Variants in TAFA4 observed in about 807,000 individuals in gnomAD.
The protein encoded by TAFA4 is TAFA chemokine like family member 4.
A neutral mutation model predicts 21.1 loss-of-function variants in TAFA4; 20 were observed. The observed-to-expected ratio is 0.95, with a 90% CI of 0.67 to 1.38. TAFA4 has a LOEUF of 1.38. TAFA4 is among the 40% of genes most tolerant of loss of function. The pLI, the probability that TAFA4 is intolerant of heterozygous loss-of-function variation, is 0.00. For synonymous variants in TAFA4, 71 were observed against 67.4 expected, an observed-to-expected ratio of 1.05 and a Z score of -0.26; for missense variants, 211 against 180.9, an observed-to-expected ratio of 1.17 and a Z score of -0.95.
At chr3:68,893,840 G>C (rs184205607) in intron 1 of TAFA4, among the ~76,000 whole-genome samples, 1 of 152,126 alleles carries the variant, frequency 6.6e-6, no homozygotes, top group Admixed American at 6.5e-5. Flanking sequence ...GCCCTCCTGT[G>C]GACAAAACAA....
chr3:68,748,706 T>C (rs1438148485), intron 4 of TAFA4, among the ~76,000 whole-genome samples: 1 of 146,758 alleles, frequency 6.8e-6, no homozygotes, highest in Non-Finnish European at 1.5e-5. Flanking sequence ...AGCACGCCAC[T>C]GCACTCCAGC....
chr3:68,852,709 T>C (rs1324689984), intron 3 of TAFA4, among the ~76,000 whole-genome samples: 2 of 152,202 alleles, frequency 1.3e-5, no homozygotes, highest in Non-Finnish European at 2.9e-5. Flanking sequence ...TTTTCCAATT[T>C]ACTAGCCTTA....
intron 3 of TAFA4, among the ~76,000 whole-genome samples, chr3:68,869,291 C>T (rs1415441717): frequency 1.3e-5 from 2 of 151,954 alleles, no homozygotes; most frequent in African/African-American, 2.4e-5. Context: ...TAAAGAACTA[C>T]TTATAACACC....
At chr3:68,829,224 G>A (rs191553252) in intron 3 of TAFA4, among the ~76,000 whole-genome samples, 593 of 152,252 alleles carry the variant, frequency 3.9e-3, no homozygotes, top group Non-Finnish European at 7.0e-3. Flanking sequence ...GAACAGGACA[G>A]AGGCCTCAGA....
chr3:68,874,635 G>A (rs560858922), intron 3 of TAFA4, among the ~76,000 whole-genome samples: 4 of 152,206 alleles, frequency 2.6e-5, no homozygotes, highest in Non-Finnish European at 5.9e-5. Context: ...CAAACTACCC[G>A]AGGAACTCTT....
chr3:68,894,237 C>T (rs538532093), intron 1 of TAFA4, among the ~76,000 whole-genome samples: 3 of 151,312 alleles, frequency 2.0e-5, no homozygotes, highest in South Asian at 2.1e-4. Context: ...GGGGTCACTG[C>T]GTCCTTCATC....
chr3:68,851,194 G>T (rs1374258943), intron 3 of TAFA4, among the ~76,000 whole-genome samples: 1 of 152,128 alleles, frequency 6.6e-6, no homozygotes, highest in Non-Finnish European at 1.5e-5. Flanking sequence ...CCTTTACAGG[G>T]ACATGGATGG....
intron 1 of TAFA4, among the ~76,000 whole-genome samples, chr3:68,892,043 A>T: frequency 6.6e-6 from 1 of 152,174 alleles, no homozygotes; most frequent in East Asian, 1.9e-4. Flanking sequence ...AATGTGCTTA[A>T]CAGGTTACCA....
intron 5 of TAFA4, 125 bp downstream of exon 5, chr3:68,738,950 G>T: frequency 1.5e-6 from 2 of 1,370,394 alleles, no homozygotes; most frequent in Non-Finnish European, 2.0e-6. Flanking sequence ...AATCCGTAAG[G>T]TAGCACTGCC....
intron 3 of TAFA4, among the ~76,000 whole-genome samples, chr3:68,753,330 T>C (rs938498351): frequency 3.9e-5 from 5 of 128,958 alleles, no homozygotes; most frequent in African/African-American, 1.2e-4. Flanking sequence ...CTGAGATTGA[T>C]AGAGTTTTTT....
In TAFA4 at chr3:68,887,955, T is replaced by C. The variant is rs560880473; in HGVS notation, c.-122-2645A>G. 2.6e-5 allele frequency among the ~76,000 whole-genome samples: 4 copies of C among 152,262 alleles called. No individual in the cohort carries two copies. In the South Asian group the frequency reaches 8.3e-4, roughly 32 times the overall value. On this transcript the variant is annotated intron_variant, in intron 1 of 5. Coordinates refer to ENST00000295569, the MANE Select transcript of TAFA4 (RefSeq NM_182522.5). ...CCTTAGTATTCTCTCCCAAATATGC[T>C]GTTTTATTCTTCACATGGCCAGGCA...
chr3:68,746,397 G>A (rs1702458735), intron 4 of TAFA4, among the ~76,000 whole-genome samples: 1 of 152,030 alleles, frequency 6.6e-6, no homozygotes, highest in Admixed American at 6.5e-5. Context: ...CATGGTGAAA[G>A]ATATTCTAAA....
At chr3:68,866,651 TAAAAAAAAAAAAAA>T (rs59878536) in intron 3 of TAFA4, among the ~76,000 whole-genome samples, 1 of 12,396 alleles carries the variant, frequency 8.1e-5, no homozygotes, top group Non-Finnish European at 1.2e-4. Flanking sequence ...ATAGCAGTTC[TAAAAAAAAAAAAAA>T]AAAAAAAAAA....
chr3:68,806,486 T>A (rs1177932645), intron 3 of TAFA4, among the ~76,000 whole-genome samples: 3 of 152,214 alleles, frequency 2.0e-5, no homozygotes, highest in Non-Finnish European at 2.9e-5. Context: ...AATAAAAGTT[T>A]TTACCCTAAC....
At chr3:68,735,179 G>A (rs1322947078) in intron 5 of TAFA4, among the ~76,000 whole-genome samples, 2 of 152,130 alleles carry the variant, frequency 1.3e-5, no homozygotes, top group Admixed American at 1.3e-4. Context: ...TAAAAGACAA[G>A]TGGAATTTTA....
intron 3 of TAFA4, among the ~76,000 whole-genome samples, chr3:68,860,886 G>A (rs1048174817): frequency 6.6e-6 from 1 of 152,042 alleles, no homozygotes; most frequent in African/African-American, 2.4e-5. Context: ...AAAACTAAGT[G>A]AAGCAGAGAA....
chr3:68,739,836 CAT>C (rs1269114692), intron 4 of TAFA4, among the ~76,000 whole-genome samples: 4 of 152,006 alleles, frequency 2.6e-5, no homozygotes, highest in Non-Finnish European at 5.9e-5. Context: ...TACACAGAGA[CAT>C]AGAGTCATGG....
chr3:68,776,407 A>G (rs1308307052), intron 3 of TAFA4, among the ~76,000 whole-genome samples: 1 of 152,208 alleles, frequency 6.6e-6, no homozygotes, highest in Non-Finnish European at 1.5e-5. Context: ...AACAAAAGGC[A>G]TTATCATGGA....
At chr3:68,760,925 G>A (rs1206344995) in intron 3 of TAFA4, among the ~76,000 whole-genome samples, 3 of 152,216 alleles carry the variant, frequency 2.0e-5, no homozygotes, top group Non-Finnish European at 4.4e-5. Context: ...CAGGGCCTCT[G>A]CCAGGTGGTG....
Sources: gnomAD v4.1 joint callset for allele counts (sites outside exome capture counted in the v4.1 genomes callset) on GRCh38, gnomAD v4.1.1 for gene constraint, MANE v1.5 for transcripts, NCBI Gene and HGNC (gene_info 2026-07-23, HGNC 2026-07-21) for gene names.